Variants in GAPVD1 observed in about 807,000 individuals in gnomAD.
GAPVD1 encodes GTPase activating protein and VPS9 domains 1, also known as GTPase-activating protein and VPS9 domain-containing protein 1.
GAPVD1 carries 35 observed loss-of-function variants against 155.5 expected under a neutral mutation model. That is an observed-to-expected ratio of 0.23 (90% CI 0.17 to 0.30). GAPVD1 has a LOEUF of 0.30. GAPVD1 is among the 10% of genes least tolerant of loss of function. The pLI is 1.00. For synonymous variants in GAPVD1, 636 were observed against 619.7 expected (o/e 1.03, Z -0.39); for missense variants, 1,429 against 1,775.7 (o/e 0.80, Z 3.51).
chr9:125,267,901 A>G (rs1030348572), intron 1 of GAPVD1, among the ~76,000 whole-genome samples: 3 of 151,992 alleles, frequency 2.0e-5, no homozygotes, highest in Non-Finnish European at 4.4e-5. Context: ...AGTGGCTCAC[A>G]CCTGTGATCC....
Position 125,312,338 on chromosome 9 carries a change from A to T in GAPVD1, c.1442-114A>T, listed in dbSNP as rs946818626. The T allele has an allele frequency of 1.9e-5, 12 of 640,168 alleles. No homozygotes were observed. In the African/African-American group the frequency reaches 2.3e-4, roughly 12 times the overall value. The allele number at this position is 640,168 out of a possible 1,614,324, so 39.7% of individuals were successfully genotyped here. A position where few individuals can be genotyped will look rare whatever the true frequency, so the allele number is the denominator to read the frequency against. Reference sequence around the variant, plus strand: ...TTTTTTCTTATTTATATTTTTTACCACTCTTGTGCATGTGCAAATGTTCTG... The same window carrying T: ...TTTTTTCTTATTTATATTTTTTACCTCTCTTGTGCATGTGCAAATGTTCTG... On this transcript the variant is annotated intron_variant, in intron 8 of 27. Coordinates refer to ENST00000297933, the MANE Select transcript of GAPVD1 (RefSeq NM_001282680.3).
At chr9:125,319,985 G>T (rs911214686) in intron 9 of GAPVD1, among the ~76,000 whole-genome samples, 2 of 151,974 alleles carry the variant, frequency 1.3e-5, no homozygotes, top group Admixed American at 6.6e-5. Flanking sequence ...CAGCAACCAA[G>T]AATTTTTTTT....
At chr9:125,360,773 C>A (rs1850792639) in intron 27 of GAPVD1, 48 bp downstream of exon 27, 3 of 1,343,144 alleles carry the variant, frequency 2.2e-6, no homozygotes, top group Non-Finnish European at 3.2e-6. Context: ...GCATTCTGAG[C>A]AGGTGGCACA....
rs1240850706 is a variant in GAPVD1, at chr9:125,293,869, TA to T, written c.-149-1588del. Among the ~76,000 whole-genome samples, 134 of 20,988 alleles carry T rather than the reference TA, an allele frequency of 6.4e-3. 1 individual carries two copies. The highest frequency in any genetic ancestry group is 0.028 in the African/African-American group (111 of 3,998). The allele number at this position is 20,988 out of a possible 152,430, so 13.8% of individuals were successfully genotyped here. On this transcript the variant is annotated intron_variant, in intron 2 of 27. Transcript: ENST00000297933. ...AATATATTTTATATATATATATATA[TA>T]TATATATATATATATATATATATAT...
chr9:125,314,907 C>G (rs1377471781), intron 9 of GAPVD1, among the ~76,000 whole-genome samples: 1 of 151,382 alleles, frequency 6.6e-6, no homozygotes, highest in East Asian at 2.0e-4. Flanking sequence ...CCTGTCTCAG[C>G]CTCCCTAGCA....
rs377020333 is a variant in GAPVD1 at position 125,303,160 on chromosome 9, G to T, written c.1029+334G>T. On this transcript the variant is annotated intron_variant, in intron 5 of 27. Coordinates refer to ENST00000297933, the MANE Select transcript of GAPVD1 (RefSeq NM_001282680.3). ...CTGCTTCAGCCTCCTGAGTAGCTGG[G>T]ATTACAGGCGCACACCACCGCCCTG... Among the ~76,000 whole-genome samples the T allele has an allele frequency of 1.3e-4, 20 of 152,090 alleles. No homozygotes were observed. In the East Asian group the frequency reaches 2.4e-3, roughly 18 times the overall value.
chr9:125,361,280 T>C (rs1313500195), intron 27 of GAPVD1, among the ~76,000 whole-genome samples: 1 of 152,038 alleles, frequency 6.6e-6, no homozygotes, highest in Non-Finnish European at 1.5e-5. Context: ...TGGCTCACGC[T>C]TGTAATCCCA....
At chr9:125,282,848 C>G (rs1241986771) in intron 2 of GAPVD1, among the ~76,000 whole-genome samples, 3 of 151,924 alleles carry the variant, frequency 2.0e-5, no homozygotes, top group Non-Finnish European at 2.9e-5. Context: ...TCTTCTGATT[C>G]CAGTTTTAGT....
intron 1 of GAPVD1, among the ~76,000 whole-genome samples, chr9:125,264,508 T>C (rs1399919933): frequency 6.6e-6 from 1 of 152,080 alleles, no homozygotes; most frequent in South Asian, 2.1e-4. Context: ...AGTAGTCATT[T>C]TGAAAGAATA....
chr9:125,302,849 A>G (rs774733930), intron 5 of GAPVD1, 23 bp downstream of exon 5: 1 of 1,556,542 alleles, frequency 6.4e-7, no homozygotes, highest in Non-Finnish European at 8.7e-7. Flanking sequence ...TATTATTATT[A>G]ACGTGGCATT....
chr9:125,304,955 T>C, intron 5 of GAPVD1, 108 bp from the exon 6 acceptor site: 1 of 702,568 alleles, frequency 1.4e-6, no homozygotes, highest in South Asian at 1.8e-5. Flanking sequence ...ATGAATAGTA[T>C]TATGAAACAG....
intron 2 of GAPVD1, among the ~76,000 whole-genome samples, chr9:125,290,449 A>G (rs7341817): frequency 0.053 from 8,077 of 152,252 alleles, 652 homozygotes; most frequent in African/African-American, 0.17. Context: ...AAAAGCAAGT[A>G]GAAAGAGCAT....
At chr9:125,321,313 A>C in intron 9 of GAPVD1, 120 bp from the exon 10 acceptor site, 1 of 651,730 alleles carries the variant, frequency 1.5e-6, no homozygotes, top group Non-Finnish European at 2.7e-6. Context: ...CCTTCTAAAT[A>C]GGTTTGTAGT....
intron 4 of GAPVD1, among the ~76,000 whole-genome samples, chr9:125,300,853 T>TC (rs1234307313): frequency 2.0e-5 from 3 of 152,122 alleles, no homozygotes; most frequent in Non-Finnish European, 4.4e-5. Context: ...TGTGGTTTTT[T>TC]CCCCACATCT....
At chr9:125,355,947 G>C in intron 25 of GAPVD1, 90 bp downstream of exon 25, 2 of 720,498 alleles carry the variant, frequency 2.8e-6, no homozygotes, top group Non-Finnish European at 5.0e-6. Context: ...GTGTAACTTA[G>C]TGTCTGATTG....
chr9:125,294,215 AT>A (rs1223220838), intron 2 of GAPVD1, among the ~76,000 whole-genome samples: 3 of 149,218 alleles, frequency 2.0e-5, no homozygotes, highest in Admixed American at 1.3e-4. Flanking sequence ...CAATTTTTAT[AT>A]TTTTAGTAGA....
chr9:125,292,378 A>G (rs953698962), intron 2 of GAPVD1, among the ~76,000 whole-genome samples: 2 of 151,996 alleles, frequency 1.3e-5, no homozygotes, highest in Non-Finnish European at 2.9e-5. Context: ...AGACTAAACT[A>G]AGACTTGGTG....
At chr9:125,298,169 A>G (rs1840173208) in intron 3 of GAPVD1, among the ~76,000 whole-genome samples, 1 of 152,242 alleles carries the variant, frequency 6.6e-6, no homozygotes, top group South Asian at 2.1e-4. Flanking sequence ...TGATGTGATT[A>G]GCAATGGAGG....
At chr9:125,342,475 G>A (rs1847959610) in intron 19 of GAPVD1, among the ~76,000 whole-genome samples, 176 bp downstream of exon 19, 1 of 152,190 alleles carries the variant, frequency 6.6e-6, no homozygotes, top group Admixed American at 6.5e-5. Context: ...AAACCTGTGT[G>A]CTCTTCCTGC....
Sources: allele counts gnomAD v4.1 joint callset (sites outside exome capture counted in the v4.1 genomes callset), GRCh38; gene constraint gnomAD v4.1.1; transcripts MANE v1.5; gene names NCBI Gene and HGNC (gene_info 2026-07-23, HGNC 2026-07-21).